The following PTGFR variants were observed in gnomAD, a reference collection of about 807,000 sequenced individuals.
PTGFR encodes the protein prostaglandin F receptor, also known as prostaglandin F2-alpha receptor.
Under a neutral mutation model 26.2 loss-of-function variants are expected in PTGFR, and 15 were observed. The ratio of observed to expected loss-of-function variants is 0.57; its 90% CI spans 0.38 to 0.88. PTGFR has a LOEUF of 0.88. Ranked by LOEUF, PTGFR falls within the 40% of genes least tolerant of loss-of-function variation. The pLI is 0.00. For synonymous variants in PTGFR, 165 were observed against 151.1 expected (o/e 1.09, Z -0.68); for missense variants, 369 against 427.2 (o/e 0.86, Z 1.20).
chr1:78,528,253 A>T (rs571451506), intron 2 of PTGFR, among the ~76,000 whole-genome samples: 70 of 149,834 alleles, frequency 4.7e-4, no homozygotes, highest in African/African-American at 1.5e-3. Flanking sequence ...CTGAAGAAAA[A>T]TTAAAAGTGT....
At chr1:78,498,587 A>G (rs1392782304) in intron 2 of PTGFR, among the ~76,000 whole-genome samples, 3 of 152,182 alleles carry the variant, frequency 2.0e-5, no homozygotes, top group Non-Finnish European at 4.4e-5. Flanking sequence ...AGTGGGTGGC[A>G]TAGCTAATAG....
At position 78,540,361 on chromosome 1, in the gene PTGFR, C is replaced by T. The variant is rs926715341; in HGVS notation, c.*3674C>T. 5.9e-5 allele frequency among the ~76,000 whole-genome samples: 9 copies of T among 152,066 alleles called. No individual in the cohort carries two copies. The highest frequency in any genetic ancestry group is 1.2e-4 in the Non-Finnish European group (8 of 67,992). On this transcript the variant is annotated 3_prime_UTR_variant, in exon 3 of 3. Transcript: ENST00000370757. ...TTGTAGACAGCACTAATGATTTCCA[C>T]ATTAGGTAAAAAAAATTTTCATTCT...
At chr1:78,496,389 A>T (rs936017778) in intron 2 of PTGFR, among the ~76,000 whole-genome samples, 2 of 152,182 alleles carry the variant, frequency 1.3e-5, no homozygotes, top group African/African-American at 4.8e-5. Context: ...AAGCTTTTAG[A>T]TTCCCATAGT....
intron 2 of PTGFR, among the ~76,000 whole-genome samples, chr1:78,530,484 A>G (rs909530597): frequency 6.6e-6 from 1 of 152,190 alleles, no homozygotes; most frequent in South Asian, 2.1e-4. Context: ...CTAGAATCAT[A>G]GAGAATTAAA....
intron 2 of PTGFR, among the ~76,000 whole-genome samples, chr1:78,529,742 G>A (rs1650458904): frequency 6.6e-6 from 1 of 152,086 alleles, no homozygotes; most frequent in African/African-American, 2.4e-5. Context: ...CTAAAGCAGG[G>A]GTCCCCAACC....
intron 2 of PTGFR, among the ~76,000 whole-genome samples, chr1:78,504,231 G>GT (rs1447299381): frequency 2.1e-4 from 32 of 151,986 alleles, no homozygotes; most frequent in Admixed American, 8.5e-4. Flanking sequence ...TACATATTAA[G>GT]TTTTTAAAAA....
intron 1 of PTGFR, 105 bp downstream of exon 1, chr1:78,491,341 T>G (rs1649390644): frequency 6.6e-6 from 1 of 152,606 alleles, no homozygotes; most frequent in Non-Finnish European, 1.5e-5. Context: ...TTCTGCTGGC[T>G]GAGCCTGACA....
chr1:78,518,406 G>T (rs1425137933), intron 2 of PTGFR, among the ~76,000 whole-genome samples: 3 of 151,566 alleles, frequency 2.0e-5, no homozygotes, highest in Non-Finnish European at 4.4e-5. Context: ...CTTTGGTTTT[G>T]CACAGCTTTA....
At chr1:78,508,516 A>G (rs1343239833) in intron 2 of PTGFR, among the ~76,000 whole-genome samples, 3 of 152,118 alleles carry the variant, frequency 2.0e-5, no homozygotes, top group Non-Finnish European at 4.4e-5. Context: ...AGTACAGCCT[A>G]GGAATGAATG....
Position 78,536,756 on chromosome 1 carries a change from G to T in PTGFR, c.*69G>T. 3 of 1,479,234 alleles carry T rather than the reference G, an allele frequency of 2.0e-6. No homozygotes were observed. The highest frequency in any genetic ancestry group is 2.7e-6 in the Non-Finnish European group (3 of 1,103,652). 91.6% of individuals were successfully genotyped at this position (1,479,234 alleles called of 1,614,324 possible). A position where few individuals can be genotyped will look rare whatever the true frequency, so the allele number is the denominator to read the frequency against. On this transcript the variant is annotated 3_prime_UTR_variant, in exon 3 of 3. Transcript: ENST00000370757. ...GACATGTTTGGCAATATTTCAGTTA[G>T]TTAAATACCTGTAGCCTAACTGGAA...
intron 2 of PTGFR, among the ~76,000 whole-genome samples, chr1:78,522,398 A>T (rs1057014163): frequency 6.6e-6 from 1 of 152,078 alleles, no homozygotes; most frequent in Non-Finnish European, 1.5e-5. Context: ...ATATCTCATT[A>T]TATTCACAGG....
At chr1:78,494,497 A>G (rs1320248696) in intron 2 of PTGFR, among the ~76,000 whole-genome samples, 1 of 152,222 alleles carries the variant, frequency 6.6e-6, no homozygotes, top group South Asian at 2.1e-4. Flanking sequence ...AGACAAAGGT[A>G]GTGGTTGTAC....
At chr1:78,525,036 C>T (rs537972313) in intron 2 of PTGFR, among the ~76,000 whole-genome samples, 1 of 150,460 alleles carries the variant, frequency 6.6e-6, no homozygotes, top group East Asian at 2.0e-4. Context: ...AAATAGTACC[C>T]CATCCCCAAT....
chr1:78,514,159 C>T (rs969210900), intron 2 of PTGFR, among the ~76,000 whole-genome samples: 4 of 152,168 alleles, frequency 2.6e-5, no homozygotes, highest in African/African-American at 9.7e-5. Context: ...GGGCCACCAT[C>T]CTCTAGACCC....
chr1:78,526,245 C>A (rs2100392372), intron 2 of PTGFR, among the ~76,000 whole-genome samples: 1 of 152,092 alleles, frequency 6.6e-6, no homozygotes, highest in South Asian at 2.1e-4. Context: ...TTAATGCTTT[C>A]TTTATGAGAG....
intron 2 of PTGFR, among the ~76,000 whole-genome samples, chr1:78,512,575 A>G (rs1649999432): frequency 6.6e-6 from 1 of 152,186 alleles, no homozygotes; most frequent in African/African-American, 2.4e-5. Context: ...ATGAACTCAG[A>G]GGGATAACTC....
rs1297024997 is a variant in PTGFR at position 78,536,584 on chromosome 1, A to C, written c.977A>C (p.His326Pro). Residue 326 changes from histidine (H) to proline (P), a missense_variant, in exon 3 of 3, where the codon CAT becomes CCT. By Grantham distance (77) the His-to-Pro change is moderately conservative. Coordinates refer to ENST00000370757, the MANE Select transcript of PTGFR (RefSeq NM_000959.4). ...YKLASQCCGV[H>P]VISLHIWELS... ...CTTGCCAGTCAATGCTGTGGAGTGC[A>C]TGTCATCAGCTTACATATTTGGGAG... The C allele has an allele frequency of 1.2e-6, 2 of 1,613,216 alleles. No individual in the cohort carries two copies. Among genetic ancestry groups the C allele is most frequent in the Non-Finnish European group, 1.7e-6 (2 of 1,179,486 alleles).
At chr1:78,518,977 A>G (rs1367559903) in intron 2 of PTGFR, among the ~76,000 whole-genome samples, 3 of 152,158 alleles carry the variant, frequency 2.0e-5, no homozygotes, top group African/African-American at 7.2e-5. Context: ...GTTACTGGGA[A>G]GAAAGGATCA....
chr1:78,505,713 G>A (rs556622442), intron 2 of PTGFR, among the ~76,000 whole-genome samples: 5 of 152,144 alleles, frequency 3.3e-5, no homozygotes, highest in Non-Finnish European at 7.4e-5. Context: ...CCCAAAGTCC[G>A]TGACAACCAC....
Sources: gnomAD v4.1 joint callset for allele counts (sites outside exome capture counted in the v4.1 genomes callset) on GRCh38, gnomAD v4.1.1 for gene constraint, MANE v1.5 for transcripts, NCBI Gene and HGNC (gene_info 2026-07-23, HGNC 2026-07-21) for gene names.